DDX42: variants seen among roughly 807,000 people sequenced by gnomAD.
The protein encoded by DDX42 is DEAD-box helicase 42, also known as ATP-dependent RNA helicase DDX42.
DDX42 carries 22 observed loss-of-function variants against 101.5 expected under a neutral mutation model. The observed-to-expected ratio is 0.22, with a 90% CI of 0.15 to 0.31. The LOEUF is 0.31. Among genes scored for constraint, DDX42 ranks in the 10% least tolerant of loss-of-function variants. The pLI is 1.00. For missense variants in DDX42, 849 were observed against 1,199.9 expected (o/e 0.71, Z 4.32); for synonymous variants, 402 against 401.2 (o/e 1.00, Z -0.02).
At chr17:63,790,487 A>G (rs576103187) in intron 2 of DDX42, among the ~76,000 whole-genome samples, 1 of 152,190 alleles carries the variant, frequency 6.6e-6, no homozygotes, top group South Asian at 2.1e-4. Context: ...TGGTCTGGGC[A>G]TGGTGGCTCA....
chr17:63,817,730 A>C lies in DDX42; in HGVS notation c.2149A>C (p.Ser717Arg). The change falls in exon 18 of 18, where the codon AGT (serine) becomes CGT (arginine). Residue 717 changes from serine (S) to arginine (R), a missense_variant. Ser to Arg is a moderately radical substitution (Grantham distance 110). Transcript: ENST00000389924. ...YKSHFVAASL[S>R]NQKAGSSAAG... The stretch of plus-strand genomic sequence containing the variant: ...GAGTCACTTTGTTGCAGCCAGTTTA[A>C]GTAATCAGAAGGCTGGAAGTTCTGC... The C allele has an allele frequency of 1.2e-6, 2 of 1,614,222 alleles. No individual in the cohort carries two copies. Among genetic ancestry groups the C allele is most frequent in the Non-Finnish European group, 1.7e-6 (2 of 1,180,042 alleles).
chr17:63,780,133 C>T (rs1259484144), intron 1 of DDX42, among the ~76,000 whole-genome samples: 1 of 152,054 alleles, frequency 6.6e-6, no homozygotes, highest in African/African-American at 2.4e-5. Flanking sequence ...CCCATCTCTC[C>T]TAAAAATACA....
chr17:63,785,462 A>T (rs889139040), intron 1 of DDX42, among the ~76,000 whole-genome samples: 3 of 144,544 alleles, frequency 2.1e-5, no homozygotes, highest in African/African-American at 7.8e-5. Context: ...AAAACAAAAA[A>T]CAAAAAAATT....
chr17:63,779,063 G>T (rs199742884), intron 1 of DDX42, among the ~76,000 whole-genome samples: 2 of 152,092 alleles, frequency 1.3e-5, no homozygotes, highest in Admixed American at 1.3e-4. Context: ...GAACCACTTA[G>T]GGTTGTTCTT....
chr17:63,777,118 A>G (rs994250917), intron 1 of DDX42, among the ~76,000 whole-genome samples: 3 of 152,178 alleles, frequency 2.0e-5, no homozygotes, highest in African/African-American at 7.2e-5. Flanking sequence ...TGTGTTGCCC[A>G]GGCTGGTCTC....
chr17:63,785,949 C>T (rs572651392), intron 1 of DDX42, among the ~76,000 whole-genome samples: 51 of 152,316 alleles, frequency 3.3e-4, no homozygotes, highest in African/African-American at 1.2e-3. Context: ...CTGATAGCAG[C>T]TCAGTCTTTC....
chr17:63,789,553 GTTTTTGTTTT>G (rs1567732963), intron 2 of DDX42, among the ~76,000 whole-genome samples: 38 of 28,638 alleles, frequency 1.3e-3, no homozygotes, highest in African/African-American at 3.5e-3. Flanking sequence ...AGACTTTTTT[GTTTTTGTTTT>G]TGTTTTTGTT....
chr17:63,787,024 T>C lies in DDX42; in HGVS notation c.-16-10T>C, dbSNP rs768288883. ...GTTTAATTTATATTTGTGTATCTTA[T>C]TCCTAACAGGTCAGTCATTGGCACC... On this transcript the variant is annotated splice_polypyrimidine_tract_variant and intron_variant, in intron 1 of 17. Coordinates refer to ENST00000389924, the MANE Select transcript of DDX42 (RefSeq NM_203499.3). 3.7e-6 allele frequency: 6 copies of C among 1,613,632 alleles called. No homozygotes were observed. In the South Asian group the frequency reaches 4.4e-5, roughly 12 times the overall value.
chr17:63,811,314 C>G (rs192924860), intron 13 of DDX42, 141 bp downstream of exon 13: 274 of 634,002 alleles, frequency 4.3e-4, no homozygotes, highest in African/African-American at 3.5e-3. Flanking sequence ...GGGTATTTTG[C>G]AAGTTGTGGG....
rs137904708 is a variant in DDX42 at position 63,808,863 on chromosome 17, G to C, written c.1067G>C (p.Arg356Pro). The change falls in exon 10 of 18, where the codon CGA becomes CCA. Residue 356 changes from arginine (R) to proline (P), a missense_variant. Physicochemically the swap from Arg to Pro is moderately radical, Grantham distance 103 (BLOSUM62 -2). Around this residue, in one of 5 missense-constraint regions of DDX42, gnomAD observed 370 missense variants for 608.8 expected, o/e 0.61. Coordinates refer to ENST00000389924, the MANE Select transcript of DDX42 (RefSeq NM_203499.3). ...CKRFGKAYNL[R>P]SVAVYGGGSM... ...CGGTTTGGAAAAGCATATAATCTTC[G>C]ATCAGTGGCCGTATATGGAGGAGGG... 5.6e-6 allele frequency: 9 copies of C among 1,613,870 alleles called. No homozygotes were observed. Among genetic ancestry groups the C allele is most frequent in the Non-Finnish European group, 6.8e-6 (8 of 1,179,958 alleles).
intron 2 of DDX42, among the ~76,000 whole-genome samples, chr17:63,789,754 G>T (rs920280280): frequency 5.3e-5 from 8 of 151,350 alleles, no homozygotes; most frequent in African/African-American, 1.9e-4. Flanking sequence ...TGTATTTTTA[G>T]TAGAGACAGG....
Position 63,813,391 on chromosome 17 carries a change from G to C in DDX42, c.1839G>C (p.Leu613=). 6.2e-7 allele frequency: 1 copy of C among 1,614,152 alleles called. No individual in the cohort carries two copies. The highest frequency in any genetic ancestry group is 8.5e-7 in the Non-Finnish European group (1 of 1,180,034). ...AGGACAGCAATTTTGCTGGTGACCT[G>C]GTCCGGAACTTGGAAGGAGCCAATC... The part of the protein sequence containing the change: ...TPKDSNFAGD[L]VRNLEGANQH... The change falls in exon 15 of 18, where the codon CTG becomes CTC. Residue 613 remains leucine, a synonymous_variant. Coordinates refer to ENST00000389924, the MANE Select transcript of DDX42 (RefSeq NM_203499.3).
chr17:63,808,687 A>T, intron 9 of DDX42, 133 bp from the exon 10 acceptor site: 1 of 891,326 alleles, frequency 1.1e-6, no homozygotes. Context: ...TATGAATAAA[A>T]TCGTGGTTTT....
chr17:63,778,302 A>C (rs2039445384), intron 1 of DDX42, among the ~76,000 whole-genome samples: 1 of 152,228 alleles, frequency 6.6e-6, no homozygotes, highest in African/African-American at 2.4e-5. Flanking sequence ...ATCTGGATGT[A>C]CATCCACATT....
Position 63,795,062 on chromosome 17 carries a change from C to G in DDX42, c.372+2500C>G, listed in dbSNP as rs181662073. Among the ~76,000 whole-genome samples, 802 of 152,112 alleles carry G rather than the reference C, an allele frequency of 5.3e-3. 1 individual carries two copies. Among genetic ancestry groups the G allele is most frequent in the Non-Finnish European group, 8.5e-3 (581 of 67,968 alleles). ...CCAAGGAAGTAGGGAAAGAAATAATCCAAGATTAATGTGTTTTTGTTTGGC... is the reference window on the plus strand; with the variant it reads ...CCAAGGAAGTAGGGAAAGAAATAATGCAAGATTAATGTGTTTTTGTTTGGC... On this transcript the variant is annotated intron_variant, in intron 3 of 17. Transcript: ENST00000389924.
chr17:63,803,290 A>C (rs1326354926), intron 6 of DDX42, among the ~76,000 whole-genome samples: 1 of 152,070 alleles, frequency 6.6e-6, no homozygotes, highest in African/African-American at 2.4e-5. Flanking sequence ...AGTGTAAAAT[A>C]AAAAGTATCT....
At chr17:63,801,688 C>G (rs868022702) in intron 6 of DDX42, among the ~76,000 whole-genome samples, 1 of 152,136 alleles carries the variant, frequency 6.6e-6, no homozygotes, top group South Asian at 2.1e-4. Flanking sequence ...CTCCTGACCC[C>G]AAGTGATCCA....
rs535756951 is a variant in DDX42, at chr17:63,779,385, T to A, written c.-17+5009T>A. On this transcript the variant is annotated intron_variant, in intron 1 of 17. Coordinates refer to ENST00000389924, the MANE Select transcript of DDX42 (RefSeq NM_203499.3). The stretch of plus-strand genomic sequence containing the variant: ...TTCAGGCCATCCTCCCACCTCAACC[T>A]CCCGAGTAGCTGGGGCTACAGGTGC... 3.9e-5 allele frequency among the ~76,000 whole-genome samples: 6 copies of A among 152,196 alleles called. No individual in the cohort carries two copies. In the South Asian group the frequency reaches 1.2e-3, roughly 32 times the overall value.
chr17:63,812,971 G>A (rs2039930447), intron 14 of DDX42, among the ~76,000 whole-genome samples: 1 of 152,174 alleles, frequency 6.6e-6, no homozygotes, highest in Non-Finnish European at 1.5e-5. Flanking sequence ...GTTGCAGTGA[G>A]CCGAGATCAT....
Sources: gnomAD v4.1 joint callset for allele counts (sites outside exome capture counted in the v4.1 genomes callset) on GRCh38, gnomAD v4.1.1 for gene constraint, gnomAD v4.1.1 regional missense constraint, MANE v1.5 for transcripts, NCBI Gene and HGNC (gene_info 2026-07-23, HGNC 2026-07-21) for gene names.